Variants in TAF1 observed in about 807,000 individuals in gnomAD.
The protein encoded by TAF1 is transcription initiation factor TFIID subunit 1.
TAF1 carries 2 observed loss-of-function variants against 138.5 expected under a neutral mutation model. The ratio of observed to expected loss-of-function variants is 0.01; its 90% CI spans 0.01 to 0.05. The LOEUF is 0.05. TAF1 is among the 10% of genes least tolerant of loss of function. The pLI, the probability that TAF1 is intolerant of heterozygous loss-of-function variation, is 1.00. For missense variants in TAF1, 709 were observed against 1,478.0 expected (o/e 0.48, Z 8.53); for synonymous variants, 437 against 503.2 (o/e 0.87, Z 1.76).
Position 71,379,105 on chromosome X carries a change from A to ATTTTTTTTTT in TAF1, c.1360+88_1360+97dup, listed in dbSNP as rs916740866. ...GTCACCATAAGTGGGCTCAGCTGTG[A>ATTTTTTTTTT]TTTTTTTTTTTTTTTTTTTTTTTCG... On this transcript the variant is annotated intron_variant, in intron 8 of 37. Coordinates refer to ENST00000423759, the MANE Select transcript of TAF1 (RefSeq NM_004606.5). 1.4e-3 allele frequency: 674 copies of ATTTTTTTTTT among 485,908 alleles called. 66 individuals are homozygous for ATTTTTTTTTT. The African/African-American group carries it at 0.024, about 17-fold the overall frequency. The allele number at this position is 485,908 out of a possible 1,213,427, so 40.0% of individuals were successfully genotyped here.
chrX:71,433,422 A>G (rs145307372), intron 32 of TAF1, among the ~76,000 whole-genome samples: 4 of 111,633 alleles, frequency 3.6e-5, no homozygotes, highest in South Asian at 3.7e-4. Context: ...TTCAAACTCA[A>G]GTGTCCTGCA....
chrX:71,382,653 A>T lies in TAF1; in HGVS notation c.1655A>T (p.Glu552Val). Residue 552 changes from glutamate (E) to valine (V), a missense_variant, in exon 10 of 38, where the codon GAA becomes GTA. Transcript: ENST00000423759. ...LLGKTGVIKE[E>V]PQQNMSQPEV... ...GGGAAAACAGGAGTCATCAAGGAGG[A>T]ACCACAGCAGGTGTGTGAAGAAAAA... The T allele has an allele frequency of 8.3e-7, 1 of 1,210,446 alleles. No individual in the cohort carries two copies.
At chrX:71,457,988 T>TA (rs766921674) in intron 34 of TAF1, among the ~76,000 whole-genome samples, 62 of 112,797 alleles carry the variant, frequency 5.5e-4, no homozygotes, top group Admixed American at 2.3e-3. Flanking sequence ...TGTTAGGACA[T>TA]AAAATTGTCC....
At chrX:71,469,021 G>T (rs2038829140), downstream of TAF1, among the ~76,000 whole-genome samples, 1 of 112,219 alleles carries the variant, frequency 8.9e-6, no homozygotes, top group African/African-American at 3.2e-5. Flanking sequence ...ACAAAATGGA[G>T]GCTGGGTGCG....
intron 1 of TAF1, among the ~76,000 whole-genome samples, chrX:71,366,918 G>C (rs1169710963): frequency 1.8e-5 from 2 of 111,742 alleles, no homozygotes; most frequent in South Asian, 3.7e-4. Context: ...GTTTGGTTCC[G>C]GCCTCAGGCT....
chrX:71,420,308 G>A, intron 28 of TAF1: 1 of 1,146,185 alleles, frequency 8.7e-7, no homozygotes, highest in Non-Finnish European at 1.2e-6. Context: ...AGTCATCTAA[G>A]GCCAGGGAAG....
At chrX:71,393,985 A>T in intron 21 of TAF1, 82 bp from the exon 22 acceptor site, 1 of 1,008,450 alleles carries the variant, frequency 9.9e-7, no homozygotes, top group Non-Finnish European at 1.3e-6. Context: ...ATGCCTTTTT[A>T]AGGTTGATTT....
chrX:71,423,849 TTA>T (rs762437605), intron 30 of TAF1, 123 bp from the exon 31 acceptor site: 6 of 511,725 alleles, frequency 1.2e-5, no homozygotes, highest in Non-Finnish European at 1.3e-5. Flanking sequence ...TTTTGTATGA[TTA>T]TGTGTTTTTC....
At chrX:71,394,828 G>C (rs1289236088) in intron 22 of TAF1, among the ~76,000 whole-genome samples, 4 of 110,984 alleles carry the variant, frequency 3.6e-5, no homozygotes, top group Non-Finnish European at 1.9e-5. Flanking sequence ...TCCTGCCTCA[G>C]CCTCCTGAGT....
In TAF1 at chrX:71,508,086, C is replaced by CTA. The variant is rs1556033075; in HGVS notation, c.1367-20430_1367-20429dup. On this transcript the variant is annotated intron_variant and NMD_transcript_variant, in intron 13 of 14. Transcript: ENST00000373775. ...GAATATTCTCTCTCTCTCTCTCTCT[C>CTA]TATATATATATATATATATATATAT... Among the ~76,000 whole-genome samples, 383 of 92,160 alleles carry CTA rather than the reference C, an allele frequency of 4.2e-3. 4 individuals carry two copies. Among genetic ancestry groups the CTA allele is most frequent in the East Asian group, 0.022 (65 of 2,911 alleles). 80.0% of individuals were successfully genotyped at this position (92,160 alleles called of 115,157 possible).
chrX:71,495,180 C>G (rs1180508007), intron 13 of TAF1, among the ~76,000 whole-genome samples: 1 of 111,911 alleles, frequency 8.9e-6, no homozygotes, highest in Non-Finnish European at 1.9e-5. Flanking sequence ...AGAAGGGGCC[C>G]TGCAGTTGTA....
intron 7 of TAF1, among the ~76,000 whole-genome samples, 168 bp downstream of exon 7, chrX:71,378,621 C>T (rs2033648559): frequency 9.0e-6 from 1 of 111,277 alleles, no homozygotes; most frequent in South Asian, 3.8e-4. Context: ...GTAGCTAGGT[C>T]CTATTCTAAG....
At position 71,503,328 on chromosome X, in the gene TAF1, G is replaced by A. The variant is rs764571258; in HGVS notation, c.1367-25214G>A. On this transcript the variant is annotated intron_variant and NMD_transcript_variant, in intron 13 of 14. Coordinates refer to the TAF1 transcript ENST00000373775. ...TATATATATATATATATATGTGTGT[G>A]TATATATATATATATGTGTATATAT... Among the ~76,000 whole-genome samples, 885 of 88,729 alleles carry A rather than the reference G, an allele frequency of 1.0e-2. 27 individuals carry two copies. Among genetic ancestry groups the A allele is most frequent in the African/African-American group, 0.038 (818 of 21,382 alleles). The allele number at this position is 88,729 out of a possible 115,157, so 77.1% of individuals were successfully genotyped here.
intron 28 of TAF1, chrX:71,420,215 TG>T: frequency 1.4e-6 from 1 of 713,091 alleles, no homozygotes; most frequent in Non-Finnish European, 2.2e-6. Flanking sequence ...AGCGGGCTCC[TG>T]GAAAACCCCG....
intron 37 of TAF1, among the ~76,000 whole-genome samples, chrX:71,462,664 G>T (rs2038602966): frequency 8.9e-6 from 1 of 111,751 alleles, no homozygotes; most frequent in Non-Finnish European, 1.9e-5. Flanking sequence ...TATCATATTG[G>T]TGATTAAAGT....
chrX:71,500,043 CG>C (rs1371847287), intron 13 of TAF1, among the ~76,000 whole-genome samples: 2 of 110,327 alleles, frequency 1.8e-5, no homozygotes, highest in Non-Finnish European at 3.8e-5. Flanking sequence ...ACCGATAGCC[CG>C]GGGGTTTTTG....
intron 32 of TAF1, among the ~76,000 whole-genome samples, chrX:71,438,808 C>CA (rs1027114765): frequency 9.0e-6 from 1 of 111,330 alleles, no homozygotes; most frequent in Non-Finnish European, 1.9e-5. Flanking sequence ...ACTAAAAATA[C>CA]AAAAAAATTA....
At chrX:71,375,643 AT>A (rs1047673075) in intron 4 of TAF1, among the ~76,000 whole-genome samples, 13 of 111,526 alleles carry the variant, frequency 1.2e-4, no homozygotes, top group Non-Finnish European at 1.9e-4. Context: ...ATTAATTAAA[AT>A]TTTTTTGAGA....
chrX:71,422,265 A>G (rs370729567), intron 29 of TAF1, among the ~76,000 whole-genome samples: 1 of 110,561 alleles, frequency 9.0e-6, no homozygotes, highest in South Asian at 3.8e-4. Flanking sequence ...CCAGAAGAAT[A>G]GAATGTAGAG....
Sources: gnomAD v4.1 joint callset for allele counts (sites outside exome capture counted in the v4.1 genomes callset) on GRCh38, gnomAD v4.1.1 for gene constraint, MANE v1.5 for transcripts, NCBI Gene and HGNC (gene_info 2026-07-23, HGNC 2026-07-21) for gene names.